The following SYTL5 variants were observed in gnomAD, a reference collection of about 807,000 sequenced individuals.
The protein encoded by SYTL5 is synaptotagmin-like protein 5.
Under a neutral mutation model 55.9 loss-of-function variants are expected in SYTL5, and 34 were observed. The ratio of observed to expected loss-of-function variants is 0.61; its 90% confidence interval spans 0.46 to 0.81. SYTL5 has a LOEUF of 0.81. SYTL5 is among the 30% of genes least tolerant of loss of function. The pLI, the probability that SYTL5 is intolerant of heterozygous loss-of-function variation, is 0.00. For missense variants in SYTL5, 637 were observed against 546.7 expected, an observed-to-expected ratio of 1.17 and a Z score of -1.65; for synonymous variants, 221 against 188.7, an observed-to-expected ratio of 1.17 and a Z score of -1.40.
At chrX:38,060,402 T>C (rs934841054) in intron 3 of SYTL5, among the ~76,000 whole-genome samples, 5 of 112,065 alleles carry the variant, frequency 4.5e-5, no homozygotes, top group African/African-American at 1.3e-4. Flanking sequence ...ATGCTCTATA[T>C]TTTACTTATT....
chrX:38,038,260 T>C (rs927656755), intron 2 of SYTL5, among the ~76,000 whole-genome samples: 1 of 112,012 alleles, frequency 8.9e-6, no homozygotes, highest in African/African-American at 3.2e-5. Context: ...GGAATTTATA[T>C]AAAGCTGGCT....
upstream of SYTL5, among the ~76,000 whole-genome samples, chrX:38,003,586 C>T (rs1039942664): frequency 2.1e-4 from 23 of 111,545 alleles, no homozygotes; most frequent in African/African-American, 6.8e-4. Flanking sequence ...AGGATACAAA[C>T]AAATGGAAGA....
chrX:37,984,243 G>A, the SYTL5 span, among the ~76,000 whole-genome samples: 2 of 111,459 alleles, frequency 1.8e-5, no homozygotes, highest in Admixed American at 1.9e-4. Context: ...CAAACTTTTA[G>A]CTAGATAATA....
intron 3 of SYTL5, among the ~76,000 whole-genome samples, chrX:38,067,068 G>A (rs1936118433): frequency 9.0e-6 from 1 of 111,425 alleles, no homozygotes; most frequent in South Asian, 3.8e-4. Flanking sequence ...CACCTGAGAG[G>A]GTGACAAAGG....
intron 3 of SYTL5, among the ~76,000 whole-genome samples, chrX:38,065,606 G>T (rs896018523): frequency 1.8e-5 from 2 of 111,833 alleles, no homozygotes; most frequent in Admixed American, 1.9e-4. Context: ...CTACTTTTAA[G>T]ATGTTCCCTT....
At position 38,094,368 on chromosome X, in the gene SYTL5, G is replaced by T; in HGVS notation, c.905G>T (p.Arg302Leu). ...GTSQELTKSH[R>L]RNTSGTPSIA... Reference sequence around the variant, plus strand: ...TCTCAGGAGCTCACAAAGAGTCACCGCAGAAACACTTCTGGCACACCTTCC... The same window carrying T: ...TCTCAGGAGCTCACAAAGAGTCACCTCAGAAACACTTCTGGCACACCTTCC... The change falls in exon 8 of 17, where the codon CGC becomes CTC. Residue 302 changes from arginine (R) to leucine (L), a missense_variant. Arg to Leu is a moderately radical substitution (Grantham distance 102). Transcript: ENST00000297875. 1 of 1,205,663 alleles carries T rather than the reference G, an allele frequency of 8.3e-7. No individual in the cohort carries two copies.
chrX:38,025,474 C>T (rs1463189675), intron 1 of SYTL5, among the ~76,000 whole-genome samples: 1 of 111,587 alleles, frequency 9.0e-6, no homozygotes, highest in Admixed American at 9.6e-5. Context: ...TTTTGATAAT[C>T]AGAAGTTAAT....
chrX:37,898,140 A>G, the SYTL5 span, among the ~76,000 whole-genome samples: 1 of 111,612 alleles, frequency 9.0e-6, no homozygotes, highest in African/African-American at 3.3e-5. Flanking sequence ...CTTCTTCCTC[A>G]GAGATAGTGC....
At chrX:38,037,115 A>G (rs763264775) in intron 2 of SYTL5, among the ~76,000 whole-genome samples, 5 of 111,890 alleles carry the variant, frequency 4.5e-5, no homozygotes, top group African/African-American at 1.6e-4. Context: ...GATTAAAGAG[A>G]CACAAGTGCC....
Position 38,076,557 on chromosome X carries a change from A to T in SYTL5, c.555-10A>T, listed in dbSNP as rs1437303177. On this transcript the variant is annotated splice_polypyrimidine_tract_variant and intron_variant, in intron 5 of 16. Coordinates refer to ENST00000297875, the MANE Select transcript of SYTL5 (RefSeq NM_138780.3). ...CTTATCTAATTTTAAATACATATAT[A>T]TAATTTCAGATTTCTTCTTAGCAAG... 4 of 1,145,056 alleles carry T rather than the reference A, an allele frequency of 3.5e-6. No individual in the cohort carries two copies. The African/African-American group carries it at 7.3e-5, about 21-fold the overall frequency. The allele number at this position is 1,145,056 out of a possible 1,213,427, so 94.4% of individuals were successfully genotyped here. A position where few individuals can be genotyped will look rare whatever the true frequency, so the allele number is the denominator to read the frequency against.
chrX:38,012,368 T>C (rs747366193), intron 1 of SYTL5, among the ~76,000 whole-genome samples: 2 of 111,856 alleles, frequency 1.8e-5, no homozygotes, highest in East Asian at 2.8e-4. Context: ...AATAATATAA[T>C]TTAAACAACC....
the SYTL5 span, among the ~76,000 whole-genome samples, chrX:37,914,239 A>G: frequency 8.9e-6 from 1 of 111,741 alleles, no homozygotes; most frequent in Non-Finnish European, 1.9e-5. Context: ...TATCACCTAG[A>G]CAAATACTCC....
At chrX:38,068,630 A>G (rs1936169404) in intron 3 of SYTL5, among the ~76,000 whole-genome samples, 1 of 112,087 alleles carries the variant, frequency 8.9e-6, no homozygotes, top group Non-Finnish European at 1.9e-5. Flanking sequence ...TTGCAGCAAC[A>G]TTGATGCAGC....
At chrX:37,977,331 A>C in the SYTL5 span, among the ~76,000 whole-genome samples, 1 of 110,822 alleles carries the variant, frequency 9.0e-6, no homozygotes, top group African/African-American at 3.3e-5. Flanking sequence ...TGGAAAAAAA[A>C]CATTTTGTAG....
chrX:37,950,352 A>C, the SYTL5 span, among the ~76,000 whole-genome samples: 1 of 111,958 alleles, frequency 8.9e-6, no homozygotes, highest in Non-Finnish European at 1.9e-5. Flanking sequence ...TCTATTGTGC[A>C]TATATATTTT....
chrX:37,940,604 G>GTATATATATATATATA, the SYTL5 span, among the ~76,000 whole-genome samples: 5 of 94,854 alleles, frequency 5.3e-5, 1 homozygote, highest in African/African-American at 1.9e-4. Context: ...AGGTGTGTAT[G>GTATATATATATATATA]TATATATATA....
intron 10 of SYTL5, among the ~76,000 whole-genome samples, chrX:38,104,806 T>C (rs1293703945): frequency 8.9e-6 from 1 of 111,861 alleles, no homozygotes; most frequent in Non-Finnish European, 1.9e-5. Context: ...CTGAGATACA[T>C]AGTTTTCATT....
the SYTL5 span, among the ~76,000 whole-genome samples, chrX:37,969,097 CT>C: frequency 9.0e-6 from 1 of 111,397 alleles, no homozygotes; most frequent in South Asian, 3.7e-4. Flanking sequence ...GTATAAGTTC[CT>C]TTATTATAAA....
the SYTL5 span, chrX:37,991,017 C>T: frequency 8.3e-7 from 1 of 1,212,040 alleles, no homozygotes. Context: ...GCTCGATTGC[C>T]TTGCTGACTA....
Sources: gnomAD v4.1 joint callset for allele counts (sites outside exome capture counted in the v4.1 genomes callset) on GRCh38, gnomAD v4.1.1 for gene constraint, MANE v1.5 for transcripts, NCBI Gene and HGNC (gene_info 2026-07-23, HGNC 2026-07-21) for gene names.